Variants in HEMK2 observed in about 807,000 individuals in gnomAD.
The protein encoded by HEMK2 is HemK methyltransferase 2, ETF1 glutamine and histone H4 lysine.
chr21:28,632,830 G>T, the HEMK2 span, among the ~76,000 whole-genome samples: 1 of 152,170 alleles, frequency 6.6e-6, no homozygotes, highest in Non-Finnish European at 1.5e-5. Context: ...GGCAGCAAAT[G>T]CCTCCCTGAT....
the HEMK2 span, among the ~76,000 whole-genome samples, chr21:28,860,307 A>T: frequency 6.6e-6 from 1 of 151,902 alleles, no homozygotes; most frequent in Admixed American, 6.6e-5. Context: ...CCCCTGCTGG[A>T]TGCTTCCTGT....
the HEMK2 span, among the ~76,000 whole-genome samples, chr21:28,612,945 A>G: frequency 6.6e-6 from 1 of 152,194 alleles, no homozygotes; most frequent in Non-Finnish European, 1.5e-5. Context: ...TGACACAAAC[A>G]TATAGAAACA....
At chr21:28,700,056 C>T in the HEMK2 span, among the ~76,000 whole-genome samples, 1 of 152,102 alleles carries the variant, frequency 6.6e-6, no homozygotes, top group Non-Finnish European at 1.5e-5. Flanking sequence ...CAGTCCCTGG[C>T]CAACACAGTG....
At chr21:28,610,289 T>G in the HEMK2 span, among the ~76,000 whole-genome samples, 1 of 152,202 alleles carries the variant, frequency 6.6e-6, no homozygotes, top group Admixed American at 6.5e-5. Flanking sequence ...CCAAGAATTT[T>G]GTATCCAGAA....
chr21:28,880,046 G>A, the HEMK2 span: 1,287 of 916,622 alleles, frequency 1.4e-3, 31 homozygotes, highest in South Asian at 0.025. Context: ...CCATGTTTTT[G>A]GGAAAATAAT....
At chr21:28,616,244 A>G in the HEMK2 span, among the ~76,000 whole-genome samples, 2 of 152,196 alleles carry the variant, frequency 1.3e-5, no homozygotes, top group Non-Finnish European at 2.9e-5. Flanking sequence ...GAAATGTAGA[A>G]CTAACTCTTC....
the HEMK2 span, among the ~76,000 whole-genome samples, chr21:28,585,087 T>C: frequency 6.6e-6 from 1 of 152,150 alleles, no homozygotes; most frequent in Non-Finnish European, 1.5e-5. Context: ...CTGCCAGCAC[T>C]TGGGGAGGCT....
At chr21:28,581,242 C>T in the HEMK2 span, among the ~76,000 whole-genome samples, 1 of 145,158 alleles carries the variant, frequency 6.9e-6, no homozygotes, top group African/African-American at 2.6e-5. Flanking sequence ...TTTTTTTAAA[C>T]AGCTAGGCAG....
the HEMK2 span, among the ~76,000 whole-genome samples, chr21:28,646,468 T>C: frequency 1.3e-5 from 2 of 152,184 alleles, no homozygotes; most frequent in African/African-American, 2.4e-5. Context: ...CTTCAAAGGT[T>C]TGACCCAAAT....
chr21:28,581,830 T>C, the HEMK2 span, among the ~76,000 whole-genome samples: 1 of 152,154 alleles, frequency 6.6e-6, no homozygotes, highest in Non-Finnish European at 1.5e-5. Context: ...AAAGGAAAAT[T>C]GAATCCAATG....
chr21:28,710,072 A>G, the HEMK2 span, among the ~76,000 whole-genome samples: 1 of 152,206 alleles, frequency 6.6e-6, no homozygotes, highest in Non-Finnish European at 1.5e-5. Context: ...TAGAATTCCT[A>G]CTTATGATTT....
chr21:28,808,876 T>A, the HEMK2 span, among the ~76,000 whole-genome samples: 1 of 152,270 alleles, frequency 6.6e-6, no homozygotes, highest in Middle Eastern at 3.4e-3. Flanking sequence ...TTCAACTTAT[T>A]CAAATTTAAT....
At chr21:28,721,070 T>C in the HEMK2 span, among the ~76,000 whole-genome samples, 3 of 152,162 alleles carry the variant, frequency 2.0e-5, no homozygotes, top group South Asian at 2.1e-4. Context: ...CTAGTCCAAA[T>C]TGAGATGTCG....
At chr21:28,808,404 A>G in the HEMK2 span, among the ~76,000 whole-genome samples, 93 of 127,846 alleles carry the variant, frequency 7.3e-4, no homozygotes, top group African/African-American at 2.3e-3. Flanking sequence ...GTCAAATTCT[A>G]CCCTTCCAAA....
At chr21:28,767,166 T>A in the HEMK2 span, among the ~76,000 whole-genome samples, 1 of 152,014 alleles carries the variant, frequency 6.6e-6, no homozygotes, top group African/African-American at 2.4e-5. Context: ...CCTGCCACCA[T>A]CCATGTAAGA....
At chr21:28,592,856 T>C in the HEMK2 span, among the ~76,000 whole-genome samples, 2 of 152,222 alleles carry the variant, frequency 1.3e-5, no homozygotes, top group African/African-American at 4.8e-5. Context: ...TTTTTATTGT[T>C]AAGTACTTAC....
chr21:28,800,257 T>C, the HEMK2 span, among the ~76,000 whole-genome samples: 207 of 152,288 alleles, frequency 1.4e-3, no homozygotes, highest in African/African-American at 4.4e-3. Context: ...CTGACGTACA[T>C]GTGAAATTCT....
the HEMK2 span, chr21:28,878,223 G>C: frequency 6.3e-7 from 1 of 1,597,674 alleles, no homozygotes; most frequent in South Asian, 1.1e-5. Context: ...TAACTAAATA[G>C]AATAATCCTC....
chr21:28,613,619 CTTT>C, the HEMK2 span, among the ~76,000 whole-genome samples: 43 of 82,702 alleles, frequency 5.2e-4, no homozygotes, highest in Middle Eastern at 8.8e-3. Flanking sequence ...TCTGCATATT[CTTT>C]TTTTTTTTTT....
Sources: gnomAD v4.1 joint callset for allele counts (sites outside exome capture counted in the v4.1 genomes callset) on GRCh38, gnomAD v4.1.1 for gene constraint, MANE v1.5 for transcripts, NCBI Gene and HGNC (gene_info 2026-07-23, HGNC 2026-07-21) for gene names.